Variants in LCLAT1 observed in about 807,000 individuals in gnomAD.
LCLAT1 encodes lysocardiolipin acyltransferase 1, also known as 1-AGP acyltransferase 8.
In LCLAT1, 11 loss-of-function variants were observed where a neutral mutation model predicts 30.7. The observed-to-expected ratio is 0.36, with a 90% CI of 0.23 to 0.59. The LOEUF is 0.59. Ranked by LOEUF, LCLAT1 falls within the 20% of genes least tolerant of loss-of-function variation. The probability of loss-of-function intolerance (pLI) is 0.77; values close to 1 mark genes in which losing one functional copy is unlikely to be tolerated. For synonymous variants in LCLAT1, 155 were observed against 151.3 expected (o/e 1.02, Z -0.18); for missense variants, 402 against 458.6 (o/e 0.88, Z 1.13).
Position 30,500,775 on chromosome 2 carries a change from A to G in LCLAT1, c.-4-24812A>G, listed in dbSNP as rs78367554. 3.3e-4 allele frequency among the ~76,000 whole-genome samples: 50 copies of G among 152,342 alleles called. 1 individual carries two copies. In the East Asian group the frequency reaches 8.3e-3, roughly 25 times the overall value. On this transcript the variant is annotated intron_variant, in intron 1 of 5. Transcript: ENST00000379509. ...TAATATGAATGACAGATATGAAACT[A>G]GCCCACTTGTCCCATAGAACTGATT... is the stretch of plus-strand genomic sequence containing the variant.
intron 1 of LCLAT1, among the ~76,000 whole-genome samples, chr2:30,459,365 T>C (rs767605845): frequency 4.6e-5 from 7 of 152,190 alleles, no homozygotes; most frequent in Non-Finnish European, 8.8e-5. Context: ...CTCAGTCTTT[T>C]GGCATTCCCT....
intron 1 of LCLAT1, among the ~76,000 whole-genome samples, chr2:30,482,903 C>T (rs1683387936): frequency 6.6e-6 from 1 of 152,008 alleles, no homozygotes; most frequent in Non-Finnish European, 1.5e-5. Context: ...CCAGTCTCAG[C>T]TTTTTAGAAT....
intron 3 of LCLAT1, among the ~76,000 whole-genome samples, chr2:30,544,246 G>A (rs1664288945): frequency 6.6e-6 from 1 of 152,052 alleles, no homozygotes; most frequent in South Asian, 2.1e-4. Flanking sequence ...TTTATCTTAT[G>A]TCCAAATTTT....
intron 5 of LCLAT1, among the ~76,000 whole-genome samples, chr2:30,572,622 C>G (rs1425963937): frequency 6.6e-6 from 1 of 152,106 alleles, no homozygotes; most frequent in Non-Finnish European, 1.5e-5. Flanking sequence ...ACTTTAAACT[C>G]AAGTCTTTTT....
rs200241494 is a variant in LCLAT1, at chr2:30,629,284, G to A, written c.629-10833G>A. Reference sequence around the variant, plus strand: ...ACATAAAAATACAAAATGAGGCTGAGCATGGTGGCTCACCCCTGTAATCTC... The same window carrying A: ...ACATAAAAATACAAAATGAGGCTGAACATGGTGGCTCACCCCTGTAATCTC... On this transcript the variant is annotated intron_variant, in intron 5 of 5. Coordinates refer to ENST00000379509, the MANE Select transcript of LCLAT1 (RefSeq NM_001002257.3). 7.9e-5 allele frequency among the ~76,000 whole-genome samples: 12 copies of A among 152,298 alleles called. No homozygotes were observed. The East Asian group carries it at 2.1e-3, about 27-fold the overall frequency.
intron 1 of LCLAT1, among the ~76,000 whole-genome samples, chr2:30,506,913 G>A (rs1684692144): frequency 6.6e-6 from 1 of 152,154 alleles, no homozygotes; most frequent in Admixed American, 6.6e-5. Context: ...CAGTTTGACT[G>A]TGTCTGGTTG....
chr2:30,484,386 C>T (rs1229622506), intron 1 of LCLAT1, among the ~76,000 whole-genome samples: 1 of 152,012 alleles, frequency 6.6e-6, no homozygotes, highest in Admixed American at 6.6e-5. Context: ...AGCCACAGGG[C>T]TCTTTTGGAA....
intron 2 of LCLAT1, among the ~76,000 whole-genome samples, chr2:30,532,193 C>T (rs1025309771): frequency 1.3e-5 from 2 of 152,052 alleles, no homozygotes; most frequent in African/African-American, 4.8e-5. Context: ...GCTGTAGGTA[C>T]TTGTAGTTCA....
At chr2:30,551,157 T>A (rs1399985979) in intron 3 of LCLAT1, among the ~76,000 whole-genome samples, 1 of 152,148 alleles carries the variant, frequency 6.6e-6, no homozygotes, top group Non-Finnish European at 1.5e-5. Flanking sequence ...TTAAAATAAA[T>A]TTTAAAAGAC....
intron 1 of LCLAT1, among the ~76,000 whole-genome samples, chr2:30,477,068 A>G (rs1004421241): frequency 6.6e-6 from 1 of 152,102 alleles, no homozygotes; most frequent in Admixed American, 6.6e-5. Context: ...TTTTTCTTTA[A>G]AGCATCCATT....
chr2:30,511,371 T>C (rs1684931027), intron 1 of LCLAT1, among the ~76,000 whole-genome samples: 1 of 152,202 alleles, frequency 6.6e-6, no homozygotes, highest in African/African-American at 2.4e-5. Context: ...GAGAGTACAC[T>C]CCTGTCTTCT....
At position 30,641,349 on chromosome 2, in the gene LCLAT1, C is replaced by T. The variant is rs1171193484; in HGVS notation, c.*730C>T. The T allele has an allele frequency of 1.3e-5, 2 of 152,182 alleles. No homozygotes were observed. The highest frequency in any genetic ancestry group is 2.9e-5 in the Non-Finnish European group (2 of 68,036). 9.4% of individuals were successfully genotyped at this position (152,182 alleles called of 1,614,324 possible). On this transcript the variant is annotated 3_prime_UTR_variant, in exon 6 of 6. Transcript: ENST00000379509. ...TAATACAGTTTAAGTTCCTTTCTCACACTCAGTATTGCATGCTTAGTGCTG... is the reference window on the plus strand; with the variant it reads ...TAATACAGTTTAAGTTCCTTTCTCATACTCAGTATTGCATGCTTAGTGCTG...
chr2:30,621,052 A>G (rs954438298), intron 5 of LCLAT1, among the ~76,000 whole-genome samples: 1 of 152,122 alleles, frequency 6.6e-6, no homozygotes, highest in African/African-American at 2.4e-5. Context: ...CTATGATCCT[A>G]TTTCCAAGTA....
intron 5 of LCLAT1, among the ~76,000 whole-genome samples, chr2:30,633,631 G>A (rs1035060756): frequency 6.6e-6 from 1 of 152,152 alleles, no homozygotes; most frequent in Non-Finnish European, 1.5e-5. Flanking sequence ...GTTGCAGTGA[G>A]CCGAGGTCAC....
intron 1 of LCLAT1, among the ~76,000 whole-genome samples, chr2:30,522,975 A>AT (rs1225571437): frequency 6.6e-6 from 1 of 151,910 alleles, no homozygotes; most frequent in Non-Finnish European, 1.5e-5. Flanking sequence ...TAGCTAATTT[A>AT]TTTTTTTTCT....
intron 5 of LCLAT1, among the ~76,000 whole-genome samples, chr2:30,630,363 A>G (rs1255302064): frequency 3.3e-5 from 5 of 152,240 alleles, no homozygotes; most frequent in African/African-American, 1.2e-4. Context: ...ATCCACTTCC[A>G]TAGGTGTTTT....
rs150115308 is a variant in LCLAT1, at chr2:30,638,641, A to G, written c.629-1476A>G. Among the ~76,000 whole-genome samples the G allele has an allele frequency of 1.1e-4, 17 of 152,328 alleles. No individual in the cohort carries two copies. In the East Asian group the frequency reaches 3.3e-3, roughly 29 times the overall value. ...TTCCAAACTTCTCGGCCTCTTATAA[A>G]GAATTGGATTAAGTGATCCCCAAGG... On this transcript the variant is annotated intron_variant, in intron 5 of 5. Coordinates refer to ENST00000379509, the MANE Select transcript of LCLAT1 (RefSeq NM_001002257.3).
intron 1 of LCLAT1, among the ~76,000 whole-genome samples, chr2:30,460,046 A>T (rs558915623): frequency 6.6e-6 from 1 of 152,124 alleles, no homozygotes. Context: ...AAAATATTAA[A>T]TTTTTTGGAG....
rs568500361 is a variant in LCLAT1 at position 30,619,470 on chromosome 2, A to G, written c.629-20647A>G. Among the ~76,000 whole-genome samples the G allele has an allele frequency of 3.3e-5, 5 of 152,338 alleles. No individual in the cohort carries two copies. In the South Asian group the frequency reaches 1.0e-3, roughly 32 times the overall value. On this transcript the variant is annotated intron_variant, in intron 5 of 5. Coordinates refer to ENST00000379509, the MANE Select transcript of LCLAT1 (RefSeq NM_001002257.3). ...CTTCACTTTCCATCTTATCCCACCA[A>G]TAAAGGTTTTTACAAATATGAAACT...
Sources: allele counts gnomAD v4.1 joint callset (sites outside exome capture counted in the v4.1 genomes callset), GRCh38; gene constraint gnomAD v4.1.1; transcripts MANE v1.5; gene names NCBI Gene and HGNC (gene_info 2026-07-23, HGNC 2026-07-21).